CMYA5: variants seen among roughly 807,000 people sequenced by gnomAD.
CMYA5 encodes the protein cardiomyopathy-associated protein 5.
In CMYA5, 246 loss-of-function variants were observed where a neutral mutation model predicts 318.9. The ratio of observed to expected loss-of-function variants is 0.77; its 90% CI spans 0.70 to 0.86. The LOEUF is 0.86. Ranked by LOEUF, CMYA5 falls within the 40% of genes least tolerant of loss-of-function variation. The probability of loss-of-function intolerance (pLI) is 0.00; values close to 1 mark genes in which losing one functional copy is unlikely to be tolerated. For missense variants in CMYA5, 4,589 were observed against 4,678.2 expected (o/e 0.98, Z 0.56); for synonymous variants, 1,641 against 1,729.5 (o/e 0.95, Z 1.27).
intron 6 of CMYA5, among the ~76,000 whole-genome samples, chr5:79,757,899 A>G (rs1828561122): frequency 6.6e-6 from 1 of 152,200 alleles, no homozygotes. Flanking sequence ...ATGCATAGAA[A>G]ATATTGTGGA....
chr5:79,737,628 A>T lies in CMYA5; in HGVS notation c.8863A>T (p.Asn2955Tyr). 1 of 1,613,646 alleles carries T rather than the reference A, an allele frequency of 6.2e-7. No homozygotes were observed. The highest frequency in any genetic ancestry group is 8.5e-7 in the Non-Finnish European group (1 of 1,179,776). The change falls in exon 2 of 13, where the codon AAT becomes TAT. Residue 2955 changes from asparagine to tyrosine, a missense_variant. Transcript: ENST00000446378. ...SIISEGCEIL[N>Y]IHAPAFISSI... is the part of the protein sequence containing the mutation. ...CATTTCTGAAGGCTGTGAGATATTG[A>T]ATATTCATGCTCCGGCCTTTATTTC...
intron 1 of CMYA5, among the ~76,000 whole-genome samples, chr5:79,714,984 G>T (rs1210142704): frequency 6.6e-6 from 1 of 152,098 alleles, no homozygotes; most frequent in Non-Finnish European, 1.5e-5. Flanking sequence ...AATTAACTGG[G>T]TTATCTCTGG....
chr5:79,697,083 G>A (rs1018326890), intron 1 of CMYA5, among the ~76,000 whole-genome samples: 12 of 152,210 alleles, frequency 7.9e-5, no homozygotes, highest in Non-Finnish European at 1.8e-4. Context: ...CCTACTGTGT[G>A]CCACGCAATA....
At chr5:79,775,865 G>A (rs1015883514) in intron 9 of CMYA5, among the ~76,000 whole-genome samples, 3 of 152,104 alleles carry the variant, frequency 2.0e-5, no homozygotes, top group Non-Finnish European at 4.4e-5. Context: ...GGTAAAGGAG[G>A]GCCTAGAGAA....
chr5:79,729,636 A>G lies in CMYA5; in HGVS notation c.871A>G (p.Ser291Gly), dbSNP rs1827830269. 1 of 1,613,892 alleles carries G rather than the reference A, an allele frequency of 6.2e-7. No individual in the cohort carries two copies. Among genetic ancestry groups the G allele is most frequent in the East Asian group, 2.2e-5 (1 of 44,886 alleles). ...CAAAACACGCAAATTAGTAGCCCAA[A>G]GCATAGAGGATAAAGTAAAAGAGGT... ...VSKTRKLVAQ[S>G]IEDKVKEVFP... The change falls in exon 2 of 13, where the codon AGC becomes GGC. Residue 291 changes from serine to glycine, a missense_variant. Ser to Gly is a moderately conservative substitution (Grantham distance 56). Transcript: ENST00000446378.
At chr5:79,702,847 G>A (rs959154977) in intron 1 of CMYA5, among the ~76,000 whole-genome samples, 2 of 152,202 alleles carry the variant, frequency 1.3e-5, no homozygotes, top group Non-Finnish European at 2.9e-5. Context: ...GTCACAATTT[G>A]TGCTATTGCC....
chr5:79,799,577 C>G lies in CMYA5; in HGVS notation c.12171C>G (p.His4057Gln), dbSNP rs564175800. The change falls in exon 13 of 13, where the codon CAC (histidine) becomes CAG (glutamine). Residue 4057 changes from histidine (H) to glutamine (Q), a missense_variant. By Grantham distance (24) the His-to-Gln change is conservative. Around this residue, in one of 3 missense-constraint regions of CMYA5, gnomAD observed 2,431 missense variants for 2,495.1 expected, o/e 0.97. Coordinates refer to ENST00000446378, the MANE Select transcript of CMYA5 (RefSeq NM_153610.5). ...ALEKPGKCTL[H>Q]LGIEPPDSVR... ...AGAAACCTGGAAAATGTACTTTGCA[C>G]CTGGGGATAGAGCCCCCGGATTCTG... is the stretch of plus-strand genomic sequence containing the variant. 2 of 1,613,702 alleles carry G rather than the reference C, an allele frequency of 1.2e-6. No individual in the cohort carries two copies. Among genetic ancestry groups the G allele is most frequent in the African/African-American group, 2.7e-5 (2 of 75,034 alleles).
At chr5:79,748,917 G>T (rs960360436) in intron 5 of CMYA5, among the ~76,000 whole-genome samples, 8 of 151,864 alleles carry the variant, frequency 5.3e-5, no homozygotes, top group East Asian at 1.9e-4. Flanking sequence ...ATGCATATTT[G>T]CTTACTTATA....
intron 1 of CMYA5, among the ~76,000 whole-genome samples, chr5:79,711,365 C>A (rs1827385483): frequency 6.6e-6 from 1 of 152,066 alleles, no homozygotes; most frequent in African/African-American, 2.4e-5. Flanking sequence ...CCGTACCTGG[C>A]AGAATTTGTC....
intron 10 of CMYA5, 68 bp from the exon 11 acceptor site, chr5:79,790,902 G>T: frequency 9.8e-7 from 1 of 1,020,478 alleles, no homozygotes; most frequent in Non-Finnish European, 1.5e-6. Context: ...CTGAAATGTG[G>T]GGCTTAGCCT....
intron 9 of CMYA5, among the ~76,000 whole-genome samples, chr5:79,787,809 T>C (rs1438120850): frequency 2.0e-5 from 3 of 152,326 alleles, no homozygotes; most frequent in Non-Finnish European, 4.4e-5. Flanking sequence ...GTTTTGCTTT[T>C]AAGAAGTTTG....
rs547862481 is a variant in CMYA5 at position 79,735,572 on chromosome 5, A to G, written c.6807A>G (p.Leu2269=). 14 of 1,613,308 alleles carry G rather than the reference A, an allele frequency of 8.7e-6. No individual in the cohort carries two copies. In the South Asian group the frequency reaches 1.3e-4, roughly 15 times the overall value. The change falls in exon 2 of 13, where the codon TTA becomes TTG. Residue 2269 remains leucine (L), a synonymous_variant. Transcript: ENST00000446378. The part of the protein sequence containing the change: ...GQNVKEKSMI[L]SNVEDLQQPK... The stretch of plus-strand genomic sequence containing the variant: ...ACGTTAAAGAAAAATCCATGATTTT[A>G]TCAAATGTAGAAGATTTACAACAGC...
intron 1 of CMYA5, among the ~76,000 whole-genome samples, chr5:79,708,216 A>G (rs1050977003): frequency 2.6e-5 from 4 of 152,248 alleles, no homozygotes; most frequent in African/African-American, 7.2e-5. Flanking sequence ...TGCTGTTTCT[A>G]TCCCACGGAC....
In CMYA5 at chr5:79,734,139, G is replaced by A; in HGVS notation, c.5374G>A (p.Glu1792Lys). The stretch of plus-strand genomic sequence containing the variant: ...GGGAGATATTTTAGATAAGCTAAGT[G>A]AAGAAACAGGCCACCCAAATTCATC... ...VMGDILDKLS[E>K]ETGHPNSSQV... Residue 1792 changes from glutamate (E) to lysine (K), a missense_variant, in exon 2 of 13, where the codon GAA becomes AAA. Physicochemically the swap from Glu to Lys is moderately conservative, Grantham distance 56. Coordinates refer to ENST00000446378, the MANE Select transcript of CMYA5 (RefSeq NM_153610.5). 6.2e-7 allele frequency: 1 copy of A among 1,613,782 alleles called. No homozygotes were observed. Among genetic ancestry groups the A allele is most frequent in the Non-Finnish European group, 8.5e-7 (1 of 1,179,822 alleles).
rs907702427 is a variant in CMYA5 at position 79,690,023 on chromosome 5, C to G, written c.116C>G (p.Thr39Arg). Residue 39 changes from threonine (T) to arginine (R), a missense_variant, in exon 1 of 13, where the codon ACG (threonine) becomes AGG (arginine). Transcript: ENST00000446378. ...EEESEGEEDETAAESEEEPDS... is the reference protein window; with the variant it reads ...EEESEGEEDERAAESEEEPDS... Reference sequence around the variant, plus strand: ...GAGTCGGAGGGCGAGGAGGACGAGACGGCGGCGGAGTCGGAGGAGGAGCCG... The same window carrying G: ...GAGTCGGAGGGCGAGGAGGACGAGAGGGCGGCGGAGTCGGAGGAGGAGCCG... 1.2e-5 allele frequency: 18 copies of G among 1,478,498 alleles called. No homozygotes were observed. Among genetic ancestry groups the G allele is most frequent in the Non-Finnish European group, 1.6e-5 (18 of 1,109,982 alleles). The allele number at this position is 1,478,498 out of a possible 1,614,324, so 91.6% of individuals were successfully genotyped here. A position where few individuals can be genotyped will look rare whatever the true frequency, so the allele number is the denominator to read the frequency against.
intron 9 of CMYA5, among the ~76,000 whole-genome samples, chr5:79,773,314 A>G (rs1239850965): frequency 6.6e-6 from 1 of 152,248 alleles, no homozygotes; most frequent in East Asian, 1.9e-4. Flanking sequence ...CTTATTTAAA[A>G]TGAGGAAAAA....
intron 1 of CMYA5, among the ~76,000 whole-genome samples, chr5:79,706,400 T>C (rs1827274068): frequency 6.6e-6 from 1 of 152,200 alleles, no homozygotes; most frequent in Non-Finnish European, 1.5e-5. Flanking sequence ...ATTAGCAAGA[T>C]ATTAATCAGC....
Position 79,731,390 on chromosome 5 carries a change from C to G in CMYA5, c.2625C>G (p.Thr875=), listed in dbSNP as rs751477281. The G allele has an allele frequency of 1.9e-6, 3 of 1,613,660 alleles. No homozygotes were observed. In the African/African-American group the frequency reaches 4.0e-5, roughly 22 times the overall value. The change falls in exon 2 of 13, where the codon ACC becomes ACG. Residue 875 remains threonine (T), a synonymous_variant. Transcript: ENST00000446378. ...GCCAGGCCCCACCACTTTCAGCCAC[C>G]CCATCTGAATATGTTGTTCTATCAG... ...SECQAPPLSA[T]PSEYVVLSDE... is the part of the protein sequence containing the mutation.
intron 9 of CMYA5, among the ~76,000 whole-genome samples, chr5:79,776,378 A>C (rs565347901): frequency 3.9e-4 from 59 of 152,234 alleles, no homozygotes; most frequent in Non-Finnish European, 6.9e-4. Flanking sequence ...CACCTTAAAC[A>C]AAAAGTTCCA....
Sources: gnomAD v4.1 joint callset for allele counts (sites outside exome capture counted in the v4.1 genomes callset) on GRCh38, gnomAD v4.1.1 for gene constraint, gnomAD v4.1.1 regional missense constraint, MANE v1.5 for transcripts, NCBI Gene and HGNC (gene_info 2026-07-23, HGNC 2026-07-21) for gene names.